Variants in FGD2 observed in about 807,000 individuals in gnomAD.
The protein encoded by FGD2 is FYVE, RhoGEF and PH domain-containing protein 2.
Under a neutral mutation model 75.9 loss-of-function variants are expected in FGD2, and 52 were observed. That is an observed-to-expected ratio of 0.69 (90% CI 0.55 to 0.86). The LOEUF (loss-of-function observed/expected upper bound fraction) is 0.86, where lower values mean the gene tolerates loss of function less well. FGD2 is among the 40% of genes least tolerant of loss of function. The pLI, the probability that FGD2 is intolerant of heterozygous loss-of-function variation, is 0.00. For synonymous variants in FGD2, 347 were observed against 348.6 expected (o/e 1.00, Z 0.05); for missense variants, 790 against 872.0 (o/e 0.91, Z 1.18).
intron 9 of FGD2, among the ~76,000 whole-genome samples, chr6:37,019,065 A>G (rs1180297182): frequency 1.3e-5 from 2 of 152,166 alleles, no homozygotes; most frequent in African/African-American, 2.4e-5. Context: ...TGTCAAAAGC[A>G]TGATATTTCT....
rs754010886 is a variant in FGD2 at position 37,020,623 on chromosome 6, A to AAAGGAGCTGGCC, written c.1202+13_1202+14insCCAAGGAGCTGG. ...CGCACCCTGGAGCTGCAAGCCCGGT[A>AAAGGAGCTGGCC]AAGGAGCTGGGGTGGCGGCCCAGGG... On this transcript the variant is annotated splice_donor_region_variant and intron_variant, in intron 10 of 15. Coordinates refer to ENST00000274963, the MANE Select transcript of FGD2 (RefSeq NM_173558.4). 1 of 1,600,326 alleles carries AAAGGAGCTGGCC rather than the reference A, an allele frequency of 6.2e-7. No homozygotes were observed. Among genetic ancestry groups the AAAGGAGCTGGCC allele is most frequent in the African/African-American group, 1.3e-5 (1 of 74,770 alleles).
At position 37,013,618 on chromosome 6, in the gene FGD2, C is replaced by T. The variant is rs754083304; in HGVS notation, c.537C>T (p.Asn179=). ...TGTGCCCCTCCTGCAGGACAGCTAA[C>T]CCCCGCATCGGTGACGTGATCCAGA... is the stretch of plus-strand genomic sequence containing the variant. ...LQRRLDDWTA[N]PRIGDVIQKL... Residue 179 remains asparagine, a synonymous_variant, in exon 5 of 16, where the codon AAC becomes AAT. Coordinates refer to ENST00000274963, the MANE Select transcript of FGD2 (RefSeq NM_173558.4). 2 of 1,613,776 alleles carry T rather than the reference C, an allele frequency of 1.2e-6. No individual in the cohort carries two copies. The highest frequency in any genetic ancestry group is 8.5e-7 in the Non-Finnish European group (1 of 1,179,802).
In FGD2 at chr6:37,008,909, C is replaced by G. The variant is rs1165835025; in HGVS notation, c.144C>G (p.Ser48=). ...GCCCTGAGTGCAGGCCTCCCGAGTC[C>G]CCAGGACCACGGGAGAAGACGAATG... ...HHRPECRPPE[S]PGPREKTNVG... is the part of the protein sequence containing the mutation. The change falls in exon 2 of 16, where the codon TCC becomes TCG. Residue 48 remains serine (S), a synonymous_variant. Coordinates refer to ENST00000274963, the MANE Select transcript of FGD2 (RefSeq NM_173558.4). The G allele has an allele frequency of 6.2e-7, 1 of 1,614,074 alleles. No homozygotes were observed. The highest frequency in any genetic ancestry group is 1.3e-5 in the African/African-American group (1 of 74,934).
chr6:37,013,663 G>C lies in FGD2; in HGVS notation c.582G>C (p.Lys194Asn), dbSNP rs756511136. 6.2e-7 allele frequency: 1 copy of C among 1,613,950 alleles called. No homozygotes were observed. The highest frequency in any genetic ancestry group is 8.5e-7 in the Non-Finnish European group (1 of 1,179,976). The change falls in exon 5 of 16, where the codon AAG becomes AAC. Residue 194 changes from lysine (K) to asparagine (N), a missense_variant. Lys to Asn is a moderately conservative substitution (Grantham distance 94). Transcript: ENST00000274963. ...DVIQKLAPFL[K>N]MYSEYVKNFE... ...TCCAGAAGCTGGCCCCCTTCCTGAA[G>C]ATGTACAGTGAGTATGTCAAGAACT...
chr6:37,012,007 G>A lies in FGD2; in HGVS notation c.527+153G>A, dbSNP rs1765034847. 5 of 785,320 alleles carry A rather than the reference G, an allele frequency of 6.4e-6. No individual in the cohort carries two copies. The Admixed American group carries it at 1.6e-4, about 25-fold the overall frequency. The allele number at this position is 785,320 out of a possible 1,614,324, so 48.6% of individuals were successfully genotyped here. A position where few individuals can be genotyped will look rare whatever the true frequency, so the allele number is the denominator to read the frequency against. On this transcript the variant is annotated intron_variant, in intron 4 of 15. Transcript: ENST00000274963. Reference sequence around the variant, plus strand: ...GGCTCGGTCTGTCTGCACAGTGAAGGGCTTGGGTGAATGAGCTCTGAGAGG... The same window carrying A: ...GGCTCGGTCTGTCTGCACAGTGAAGAGCTTGGGTGAATGAGCTCTGAGAGG...
intron 8 of FGD2, among the ~76,000 whole-genome samples, 193 bp from the exon 9 acceptor site, chr6:37,015,575 G>T (rs1765244226): frequency 6.6e-6 from 1 of 152,182 alleles, no homozygotes. Context: ...TAGGGGAATT[G>T]GGAGCTTGAC....
intron 6 of FGD2, 83 bp from the exon 7 acceptor site, chr6:37,014,563 C>T (rs556057641): frequency 6.6e-7 from 1 of 1,519,702 alleles, no homozygotes. Flanking sequence ...TCCTGAGGGC[C>T]CTTTGTTGAA....
chr6:37,026,903 G>A (rs1174281240), intron 14 of FGD2, among the ~76,000 whole-genome samples: 1 of 151,944 alleles, frequency 6.6e-6, no homozygotes, highest in Non-Finnish European at 1.5e-5. Context: ...AGCTACTCGG[G>A]ATGCTGAGGC....
chr6:37,013,735 A>C lies in FGD2; in HGVS notation c.654A>C (p.Pro218=). 1 of 1,613,656 alleles carries C rather than the reference A, an allele frequency of 6.2e-7. No individual in the cohort carries two copies. Among genetic ancestry groups the C allele is most frequent in the Non-Finnish European group, 8.5e-7 (1 of 1,179,878 alleles). Residue 218 remains proline (P), a synonymous_variant, in exon 5 of 16, where the codon CCA becomes CCC. Transcript: ENST00000274963. ...ELLATWTDKS[P]LFQEVLTRIQ... is the part of the protein sequence containing the mutation. ...TGGCCACCTGGACCGACAAGTCTCC[A>C]CTCTTCCAGGAGGTTCTCACTCGCA... is the stretch of plus-strand genomic sequence containing the variant.
At chr6:37,026,371 G>T (rs1765822331) in intron 14 of FGD2, 1 of 985,382 alleles carries the variant, frequency 1.0e-6, no homozygotes, top group African/African-American at 1.7e-5. Flanking sequence ...GGACTCCAGG[G>T]GCCAGTCGGT....
intron 13 of FGD2, 32 bp downstream of exon 13, chr6:37,022,402 C>A (rs772725727): frequency 6.5e-7 from 1 of 1,537,354 alleles, no homozygotes; most frequent in South Asian, 1.2e-5. Context: ...CCTGCCTCCA[C>A]CTGCGTCACC....
rs768567373 is a variant in FGD2, at chr6:37,005,835, G to A, written c.18G>A (p.Glu6=). MKGAS[E]EKLASVSNLV... ...CCGGCAGGATGAAGGGGGCAAGTGA[G>A]GAGAAGCTGGCATCTGTGTCCAACC... is the stretch of plus-strand genomic sequence containing the variant. Residue 6 remains glutamate (E), a synonymous_variant, in exon 1 of 16, where the codon GAG becomes GAA. Transcript: ENST00000274963. 46 of 1,613,806 alleles carry A rather than the reference G, an allele frequency of 2.9e-5. No homozygotes were observed. Among genetic ancestry groups the A allele is most frequent in the Non-Finnish European group, 3.2e-5 (38 of 1,180,000 alleles).
At chr6:37,011,528 C>G in intron 3 of FGD2, 178 bp from the exon 4 acceptor site, 2 of 802,356 alleles carry the variant, frequency 2.5e-6, no homozygotes, top group Non-Finnish European at 4.0e-6. Context: ...CCTTGCTCAT[C>G]TGTAAAGTGG....
At chr6:37,022,584 A>C (rs1369705516) in intron 13 of FGD2, 12 of 608,526 alleles carry the variant, frequency 2.0e-5, no homozygotes, top group Non-Finnish European at 3.1e-5. Flanking sequence ...CTAGGCTTCC[A>C]CTTGATCCAC....
intron 4 of FGD2, among the ~76,000 whole-genome samples, chr6:37,012,793 A>T (rs574728801): frequency 6.6e-6 from 1 of 151,408 alleles, no homozygotes; most frequent in African/African-American, 2.4e-5. Flanking sequence ...ATTTTTTTCA[A>T]TGAGAAAATC....
intron 13 of FGD2, 70 bp downstream of exon 13, chr6:37,022,440 TC>T (rs1765635612): frequency 1.3e-6 from 2 of 1,492,256 alleles, no homozygotes; most frequent in Non-Finnish European, 1.8e-6. Context: ...CACCCAGGCC[TC>T]CACCTTTCCT....
chr6:37,028,783 A>AT lies in FGD2; in HGVS notation c.*626dup, dbSNP rs962212686. The AT allele has an allele frequency of 6.6e-6, 1 of 151,258 alleles. No individual in the cohort carries two copies. Among genetic ancestry groups the AT allele is most frequent in the East Asian group, 1.9e-4 (1 of 5,140 alleles). The allele number at this position is 151,258 out of a possible 1,614,324, so 9.4% of individuals were successfully genotyped here. A position where few individuals can be genotyped will look rare whatever the true frequency, so the allele number is the denominator to read the frequency against. ...GCCACTGTGCCAAGCTAATTTTTTT[A>AT]TTTTTTGTAGAGATGGGATTTCACC... On this transcript the variant is annotated 3_prime_UTR_variant, in exon 16 of 16. Coordinates refer to ENST00000274963, the MANE Select transcript of FGD2 (RefSeq NM_173558.4).
intron 2 of FGD2, 24 bp from the exon 3 acceptor site, chr6:37,010,946 CCTT>C (rs1561927013): frequency 6.2e-7 from 1 of 1,609,584 alleles, no homozygotes; most frequent in Non-Finnish European, 8.5e-7. Context: ...CCCTTTTTCT[CCTT>C]CTCTCCCCTC....
intron 3 of FGD2, chr6:37,011,422 T>C (rs1445587931): frequency 1.8e-6 from 1 of 563,584 alleles, no homozygotes; most frequent in Non-Finnish European, 3.1e-6. Flanking sequence ...CAGGGAGCTC[T>C]AGTCTGATGA....
Sources: gnomAD v4.1 joint callset for allele counts (sites outside exome capture counted in the v4.1 genomes callset) on GRCh38, gnomAD v4.1.1 for gene constraint, MANE v1.5 for transcripts, NCBI Gene and HGNC (gene_info 2026-07-23, HGNC 2026-07-21) for gene names.